The following BLMH variants were observed in gnomAD, a reference collection of about 807,000 sequenced individuals.
BLMH encodes BLM hydrolase.
In BLMH, 32 loss-of-function variants were observed where a neutral mutation model predicts 61.6. The observed-to-expected ratio is 0.52, with a 90% CI of 0.39 to 0.70. The LOEUF is 0.70. Ranked by LOEUF, BLMH falls within the 30% of genes least tolerant of loss-of-function variation. BLMH has a pLI of 0.00. For synonymous variants in BLMH, 183 were observed against 193.8 expected (o/e 0.94, Z 0.46); for missense variants, 460 against 555.5 (o/e 0.83, Z 1.73).
In BLMH at chr17:30,272,944, T is replaced by C. The variant is rs1017515386; in HGVS notation, c.802-45A>G. ...ATTAATTAGGGCACAAAACCAGGAA[T>C]GTCAAGCAACACACAGCTCTCCTCT... is the stretch of plus-strand genomic sequence containing the variant. On this transcript the variant is annotated intron_variant, in intron 7 of 11. Transcript: ENST00000261714. 2.3e-5 allele frequency: 37 copies of C among 1,598,262 alleles called. No individual in the cohort carries two copies. The African/African-American group carries it at 3.5e-4, about 15-fold the overall frequency.
In BLMH at chr17:30,248,239, A is replaced by G. The variant is rs879444721; in HGVS notation, c.*778T>C. Reference sequence around the variant, plus strand: ...CAAAGTTTTTATTCAAAAGCTTCTCAGCACCATCTAGTTATCAGAAAGAAT... The same window carrying G: ...CAAAGTTTTTATTCAAAAGCTTCTCGGCACCATCTAGTTATCAGAAAGAAT... On this transcript the variant is annotated 3_prime_UTR_variant, in exon 12 of 12. Coordinates refer to ENST00000261714, the MANE Select transcript of BLMH (RefSeq NM_000386.4). 1.3e-5 allele frequency: 2 copies of G among 152,644 alleles called. No homozygotes were observed. Among genetic ancestry groups the G allele is most frequent in the South Asian group, 4.1e-4 (2 of 4,826 alleles). The allele number at this position is 152,644 out of a possible 1,614,324, so 9.5% of individuals were successfully genotyped here.
intron 10 of BLMH, among the ~76,000 whole-genome samples, chr17:30,269,785 T>C (rs777403988): frequency 6.6e-6 from 1 of 152,166 alleles, no homozygotes; most frequent in African/African-American, 2.4e-5. Context: ...TACATGAGGA[T>C]CAGGAGTATC....
At position 30,272,639 on chromosome 17, in the gene BLMH, A is replaced by G. The variant is rs1908307290; in HGVS notation, c.961-11T>C. ...GCCAAACCACACAGCCTAGAAACAGAAGAAAGAGGAAGAAAGTCAACATAA... is the reference window on the plus strand; with the variant it reads ...GCCAAACCACACAGCCTAGAAACAGGAGAAAGAGGAAGAAAGTCAACATAA... On this transcript the variant is annotated splice_polypyrimidine_tract_variant and intron_variant, in intron 8 of 11. Transcript: ENST00000261714. 1 of 1,614,168 alleles carries G rather than the reference A, an allele frequency of 6.2e-7. No homozygotes were observed.
At chr17:30,254,674 TAC>T (rs1405741785) in intron 11 of BLMH, among the ~76,000 whole-genome samples, 1 of 152,220 alleles carries the variant, frequency 6.6e-6, no homozygotes, top group Non-Finnish European at 1.5e-5. Context: ...TCTGAAATGT[TAC>T]ACTGCTTTTT....
intron 11 of BLMH, among the ~76,000 whole-genome samples, chr17:30,266,299 G>A (rs1045639196): frequency 1.1e-4 from 17 of 152,114 alleles, no homozygotes; most frequent in African/African-American, 1.9e-4. Context: ...AGGCCGAGGC[G>A]GGCGGATCAC....
chr17:30,263,249 G>A (rs1423719185), intron 11 of BLMH, among the ~76,000 whole-genome samples: 1 of 152,156 alleles, frequency 6.6e-6, no homozygotes, highest in Admixed American at 6.5e-5. Context: ...GGATCTGCAG[G>A]TCACTTTGGC....
intron 5 of BLMH, 183 bp from the exon 6 acceptor site, chr17:30,285,663 A>G (rs1908707440): frequency 6.6e-6 from 3 of 452,568 alleles, no homozygotes; most frequent in South Asian, 4.0e-5. Flanking sequence ...AATGCTTTCC[A>G]TAAGGAGAAA....
chr17:30,272,545 A>C lies in BLMH; in HGVS notation c.1028+16T>G. 6.2e-7 allele frequency: 1 copy of C among 1,614,008 alleles called. No individual in the cohort carries two copies. Among genetic ancestry groups the C allele is most frequent in the Non-Finnish European group, 8.5e-7 (1 of 1,179,888 alleles). On this transcript the variant is annotated intron_variant, in intron 9 of 11. Transcript: ENST00000261714. Reference sequence around the variant, plus strand: ...AACCCACAAATGACTTTCCATTTTAAATTTCCTGCACTCACAGATTCATGT... The same window carrying C: ...AACCCACAAATGACTTTCCATTTTACATTTCCTGCACTCACAGATTCATGT...
In BLMH at chr17:30,288,158, T is replaced by TA. The variant is rs1301728642; in HGVS notation, c.322-212dup. The stretch of plus-strand genomic sequence containing the variant: ...TCTGTATCACCCCAGTTTGGGGACT[T>TA]ACGATGCTGAAACAAGCACCATAAT... On this transcript the variant is annotated intron_variant, in intron 3 of 11. Coordinates refer to ENST00000261714, the MANE Select transcript of BLMH (RefSeq NM_000386.4). The TA allele has an allele frequency of 1.1e-5, 5 of 460,970 alleles. No individual in the cohort carries two copies. The Admixed American group carries it at 1.6e-4, about 14-fold the overall frequency. The allele number at this position is 460,970 out of a possible 1,614,324, so 28.6% of individuals were successfully genotyped here. A position where few individuals can be genotyped will look rare whatever the true frequency, so the allele number is the denominator to read the frequency against.
In BLMH at chr17:30,291,482, G is replaced by A. The variant is rs779087289; in HGVS notation, c.40C>T (p.Leu14=). 14 of 1,614,108 alleles carry A rather than the reference G, an allele frequency of 8.7e-6. No homozygotes were observed. The highest frequency in any genetic ancestry group is 1.1e-5 in the Non-Finnish European group (13 of 1,180,048). ...GGGTCGGAATTCAGTTTCTGTATCA[G>A]AGCAGCTACCTTCTCCGAATTCAGT... is the stretch of plus-strand genomic sequence containing the variant. The part of the protein sequence containing the change: ...SGLNSEKVAA[L]IQKLNSDPQF... The change falls in exon 2 of 12, where the codon CTG becomes TTG. Residue 14 remains leucine (L), a synonymous_variant. Coordinates refer to ENST00000261714, the MANE Select transcript of BLMH (RefSeq NM_000386.4).
chr17:30,255,084 A>G lies in BLMH; in HGVS notation c.1217-5916T>C, dbSNP rs184897779. Among the ~76,000 whole-genome samples the G allele has an allele frequency of 2.1e-4, 32 of 152,332 alleles. No individual in the cohort carries two copies. In the East Asian group the frequency reaches 5.0e-3, roughly 24 times the overall value. Reference sequence around the variant, plus strand: ...TTTCATGCTTAGAAACAATACTGTTATAAACATTTCTGTAAGTAAATCTTC... The same window carrying G: ...TTTCATGCTTAGAAACAATACTGTTGTAAACATTTCTGTAAGTAAATCTTC... On this transcript the variant is annotated intron_variant, in intron 11 of 11. Transcript: ENST00000261714.
At chr17:30,256,606 A>G (rs998721150) in intron 11 of BLMH, among the ~76,000 whole-genome samples, 3 of 152,234 alleles carry the variant, frequency 2.0e-5, no homozygotes, top group Non-Finnish European at 2.9e-5. Context: ...CTGGGATTAC[A>G]GGCGTAAGCC....
chr17:30,291,815 C>T lies in BLMH; in HGVS notation c.5G>A (p.Ser2Asn). The change falls in exon 1 of 12, where the codon AGC becomes AAC. Residue 2 changes from serine (S) to asparagine (N), a missense_variant. Physicochemically the swap from Ser to Asn is conservative, Grantham distance 46. This residue lies in a region of BLMH where 86 missense variants were observed against 84.5 expected (regional missense o/e 1.02). Coordinates refer to ENST00000261714, the MANE Select transcript of BLMH (RefSeq NM_000386.4). The stretch of plus-strand genomic sequence containing the variant: ...GGACGGCGGCACCTCACCCGAGCTG[C>T]TCATGGCGCCCACGCTGCCCGGCGG... The part of the protein sequence containing the change: M[S>N]SSGLNSEKVA... 7.3e-7 allele frequency: 1 copy of T among 1,366,634 alleles called. No homozygotes were observed. The highest frequency in any genetic ancestry group is 9.4e-7 in the Non-Finnish European group (1 of 1,064,436). The allele number at this position is 1,366,634 out of a possible 1,614,324, so 84.7% of individuals were successfully genotyped here.
In BLMH at chr17:30,263,426, G is replaced by C. The variant is rs557328843; in HGVS notation, c.1216+3459C>G. 1.6e-4 allele frequency among the ~76,000 whole-genome samples: 24 copies of C among 152,264 alleles called. No homozygotes were observed. In the East Asian group the frequency reaches 3.8e-3, roughly 24 times the overall value. ...GAAGTCTGTTCCCTCACCTAATTGT[G>C]AAATTCATTTCTGATATGATCCATT... On this transcript the variant is annotated intron_variant, in intron 11 of 11. Transcript: ENST00000261714.
chr17:30,280,595 G>C (rs1263000487), intron 6 of BLMH, among the ~76,000 whole-genome samples: 1 of 152,050 alleles, frequency 6.6e-6, no homozygotes, highest in Non-Finnish European at 1.5e-5. Flanking sequence ...TCTTGCCTCA[G>C]CCTACCATGT....
chr17:30,290,090 C>T (rs1908843002), intron 2 of BLMH, among the ~76,000 whole-genome samples: 2 of 152,098 alleles, frequency 1.3e-5, no homozygotes, highest in Non-Finnish European at 2.9e-5. Flanking sequence ...AAGAAGAAAA[C>T]TCTAGTTAAC....
intron 4 of BLMH, 34 bp from the exon 5 acceptor site, chr17:30,286,936 T>TA (rs756067817): frequency 7.8e-6 from 11 of 1,416,516 alleles, no homozygotes; most frequent in Non-Finnish European, 6.9e-6. Context: ...TTAAAGAAGG[T>TA]AAAAAATTAG....
intron 6 of BLMH, among the ~76,000 whole-genome samples, chr17:30,281,078 G>A (rs1260682261): frequency 7.0e-6 from 1 of 142,438 alleles, no homozygotes; most frequent in Non-Finnish European, 1.5e-5. Context: ...TTTTTTTTTT[G>A]TTGTTTCTTT....
rs189927186 is a variant in BLMH at position 30,268,021 on chromosome 17, A to G, written c.1147-1067T>C. ...GCCAACAAACTCACAAGTTTCACAC[A>G]CCCTTACCTGTACTAATCCTTACTC... On this transcript the variant is annotated intron_variant, in intron 10 of 11. Transcript: ENST00000261714. Among the ~76,000 whole-genome samples the G allele has an allele frequency of 2.9e-3, 438 of 152,156 alleles. 1 individual carries two copies. Among genetic ancestry groups the G allele is most frequent in the Non-Finnish European group, 4.4e-3 (297 of 67,984 alleles).
Sources: allele counts gnomAD v4.1 joint callset (sites outside exome capture counted in the v4.1 genomes callset), GRCh38; gene constraint gnomAD v4.1.1; regional missense constraint gnomAD v4.1.1; transcripts MANE v1.5; gene names NCBI Gene and HGNC (gene_info 2026-07-23, HGNC 2026-07-21).